FAM219A: variants seen among roughly 807,000 people sequenced by gnomAD.
FAM219A encodes family with sequence similarity 219 member A, also known as protein FAM219A.
Under a neutral mutation model 23.4 loss-of-function variants are expected in FAM219A, and 7 were observed. That is an observed-to-expected ratio of 0.30 (90% CI 0.17 to 0.56). The LOEUF (loss-of-function observed/expected upper bound fraction) is 0.56. Ranked by LOEUF, FAM219A falls within the 20% of genes least tolerant of loss-of-function variation. The pLI is 0.92. For synonymous variants in FAM219A, 93 were observed against 99.0 expected, an observed-to-expected ratio of 0.94 and a Z score of 0.36; for missense variants, 166 against 246.9, an observed-to-expected ratio of 0.67 and a Z score of 2.20.
At chr9:34,401,228 G>C in intron 5 of FAM219A, 106 bp from the exon 6 acceptor site, 1 of 1,367,156 alleles carries the variant, frequency 7.3e-7, no homozygotes, top group Non-Finnish European at 1.0e-6. Context: ...CAGTGCCCTG[G>C]ATATCAGCCC....
chr9:34,451,646 T>C (rs1351097507), intron 1 of FAM219A, among the ~76,000 whole-genome samples: 1 of 152,144 alleles, frequency 6.6e-6, no homozygotes, highest in Non-Finnish European at 1.5e-5. Flanking sequence ...CTCTGGGCTA[T>C]ATAGGCAGTC....
intron 1 of FAM219A, among the ~76,000 whole-genome samples, chr9:34,453,716 T>G (rs1454982971): frequency 5.3e-5 from 8 of 152,216 alleles, no homozygotes; most frequent in Non-Finnish European, 1.0e-4. Flanking sequence ...TTTAAGTCTC[T>G]TTGGTCCCTG....
At chr9:34,452,124 C>T (rs1823580934) in intron 1 of FAM219A, among the ~76,000 whole-genome samples, 1 of 152,180 alleles carries the variant, frequency 6.6e-6, no homozygotes, top group African/African-American at 2.4e-5. Flanking sequence ...CACTATGGCT[C>T]CTTGCTGCTA....
At chr9:34,419,994 C>T (rs1822200858) in intron 1 of FAM219A, among the ~76,000 whole-genome samples, 1 of 152,208 alleles carries the variant, frequency 6.6e-6, no homozygotes, top group Non-Finnish European at 1.5e-5. Context: ...AGGCACTACT[C>T]TTTGCCCACA....
chr9:34,438,385 CACTG>C (rs996812424), intron 1 of FAM219A, among the ~76,000 whole-genome samples: 2 of 152,242 alleles, frequency 1.3e-5, no homozygotes, highest in African/African-American at 4.8e-5. Flanking sequence ...GTGCGGGATC[CACTG>C]GGTGAAGCCA....
At chr9:34,407,885 C>A (rs893658793) in intron 1 of FAM219A, among the ~76,000 whole-genome samples, 2 of 152,206 alleles carry the variant, frequency 1.3e-5, no homozygotes, top group South Asian at 2.1e-4. Context: ...GATATATAAC[C>A]ATTATGGTGG....
intron 2 of FAM219A, 42 bp from the exon 3 acceptor site, chr9:34,402,849 G>C (rs1821500203): frequency 1.9e-6 from 3 of 1,591,526 alleles, no homozygotes; most frequent in Admixed American, 3.4e-5. Flanking sequence ...CTGCCCCTGA[G>C]GCCACCCTGT....
chr9:34,441,538 G>A (rs191650520), intron 1 of FAM219A, among the ~76,000 whole-genome samples: 12 of 152,320 alleles, frequency 7.9e-5, no homozygotes, highest in African/African-American at 2.9e-4. Context: ...CAGGATAAGA[G>A]CAGTGGTGGA....
At chr9:34,426,055 G>A (rs564846968) in intron 1 of FAM219A, among the ~76,000 whole-genome samples, 2 of 152,260 alleles carry the variant, frequency 1.3e-5, no homozygotes, top group East Asian at 3.9e-4. Flanking sequence ...CTGCAACCTT[G>A]TGGCTGTCAG....
intron 1 of FAM219A, among the ~76,000 whole-genome samples, chr9:34,416,273 GGGAAGGAAGGAA>G (rs74180565): frequency 2.6e-4 from 30 of 114,086 alleles, no homozygotes; most frequent in Admixed American, 3.6e-4. Context: ...GAGGGAGGGA[GGGAAGGAAGGAA>G]GGAAGGAAGG....
Position 34,401,083 on chromosome 9 carries a change from C to T in FAM219A, c.439G>A (p.Gly147Ser). The change falls in exon 6 of 6, where the codon GGC (glycine) becomes AGC (serine). Residue 147 changes from glycine (G) to serine (S), a missense_variant. Gly to Ser is a moderately conservative substitution (Grantham distance 56). Around this residue, in one of 3 missense-constraint regions of FAM219A, gnomAD observed 72 missense variants for 131.0 expected, o/e 0.55. Coordinates refer to ENST00000651358, the MANE Select transcript of FAM219A (RefSeq NM_001184940.2). ...QDLNIQLLKD[G>S]YRLDEIPDDE... The stretch of plus-strand genomic sequence containing the variant: ...TCGGGGATCTCATCTAACCGGTAGC[C>T]GTCCTTCAGCAGCTGGATGTTCAAA... 2.5e-6 allele frequency: 4 copies of T among 1,613,276 alleles called. No individual in the cohort carries two copies. The highest frequency in any genetic ancestry group is 3.4e-6 in the Non-Finnish European group (4 of 1,179,560).
chr9:34,438,279 C>G (rs986923108), intron 1 of FAM219A, among the ~76,000 whole-genome samples: 3 of 152,238 alleles, frequency 2.0e-5, no homozygotes, highest in Admixed American at 2.0e-4. Context: ...AGCGCCACCC[C>G]CTGCTCCACG....
At chr9:34,432,108 G>A (rs1251868280) in intron 1 of FAM219A, among the ~76,000 whole-genome samples, 1 of 152,210 alleles carries the variant, frequency 6.6e-6, no homozygotes, top group African/African-American at 2.4e-5. Flanking sequence ...GAGATGGCAG[G>A]GGGCTTCCTT....
intron 1 of FAM219A, among the ~76,000 whole-genome samples, chr9:34,407,574 G>T (rs7847950): frequency 6.6e-6 from 1 of 152,000 alleles, no homozygotes; most frequent in Non-Finnish European, 1.5e-5. Context: ...AAAGCATGCA[G>T]GGAGGGACAT....
chr9:34,432,692 C>A (rs1822760458), intron 1 of FAM219A, among the ~76,000 whole-genome samples: 1 of 152,158 alleles, frequency 6.6e-6, no homozygotes, highest in African/African-American at 2.4e-5. Flanking sequence ...TCTCTCCAGA[C>A]CCCATTTCCA....
Position 34,458,382 on chromosome 9 carries a change from C to A in FAM219A, c.-119G>T. ...GCAGACTAGGCCTCCCCGGACCACT[C>A]GGGCGGGCAGGGGCCGGGCGGATGC... is the stretch of plus-strand genomic sequence containing the variant. On this transcript the variant is annotated 5_prime_UTR_variant, in exon 1 of 6. Coordinates refer to ENST00000651358, the MANE Select transcript of FAM219A (RefSeq NM_001184940.2). The surrounding 1 kb of genome is among the most constrained non-coding windows in gnomAD (Gnocchi z 6.6). The A allele has an allele frequency of 8.0e-6, 5 of 625,698 alleles. No homozygotes were observed. The highest frequency in any genetic ancestry group is 1.1e-5 in the Non-Finnish European group (5 of 453,922). The allele number at this position is 625,698 out of a possible 1,614,324, so 38.8% of individuals were successfully genotyped here.
At chr9:34,421,229 C>T (rs779601128) in intron 1 of FAM219A, among the ~76,000 whole-genome samples, 14 of 151,758 alleles carry the variant, frequency 9.2e-5, no homozygotes, top group African/African-American at 3.4e-4. Flanking sequence ...TATGAACTCC[C>T]ATCTGAGTCT....
At chr9:34,449,104 C>T (rs1352434767) in intron 1 of FAM219A, among the ~76,000 whole-genome samples, 2 of 151,848 alleles carry the variant, frequency 1.3e-5, no homozygotes, top group Non-Finnish European at 2.9e-5. Flanking sequence ...GAGGACATGG[C>T]AGGTGGATCT....
chr9:34,441,984 A>G (rs1279314010), intron 1 of FAM219A, among the ~76,000 whole-genome samples: 2 of 152,208 alleles, frequency 1.3e-5, no homozygotes, highest in African/African-American at 4.8e-5. Context: ...TTGGCCACCC[A>G]AAGTGCTGAA....
Sources: gnomAD v4.1 joint callset for allele counts (sites outside exome capture counted in the v4.1 genomes callset) on GRCh38, gnomAD v4.1.1 for gene constraint, gnomAD v4.1.1 regional missense constraint, Gnocchi (gnomAD v3.1) non-coding constraint, MANE v1.5 for transcripts, NCBI Gene and HGNC (gene_info 2026-07-23, HGNC 2026-07-21) for gene names.